Variants in VDR observed in about 807,000 individuals in gnomAD.
The protein encoded by VDR is vitamin D receptor.
A neutral mutation model predicts 39.7 loss-of-function variants in VDR; 19 were observed. The observed-to-expected ratio is 0.48, with a 90% confidence interval of 0.33 to 0.70. The LOEUF is 0.70. Among genes scored for constraint, VDR ranks in the 30% least tolerant of loss-of-function variants. VDR has a pLI of 0.02. For missense variants in VDR, 442 were observed against 570.5 expected, an observed-to-expected ratio of 0.77 and a Z score of 2.29; for synonymous variants, 242 against 215.8, an observed-to-expected ratio of 1.12 and a Z score of -1.07.
intron 7 of VDR, among the ~76,000 whole-genome samples, chr12:47,855,260 G>A (rs1249851356): frequency 1.3e-5 from 2 of 152,068 alleles, no homozygotes; most frequent in East Asian, 1.9e-4. Context: ...CCCGGGAGGC[G>A]GAGGTTATAG....
intron 1 of VDR, among the ~76,000 whole-genome samples, chr12:47,888,684 C>G (rs1282168570): frequency 6.6e-6 from 1 of 152,180 alleles, no homozygotes; most frequent in African/African-American, 2.4e-5. Context: ...GCAGTTCAAT[C>G]TCTCTGGTTT....
chr12:47,849,292 T>C (rs1036061347), intron 7 of VDR, among the ~76,000 whole-genome samples: 1 of 152,124 alleles, frequency 6.6e-6, no homozygotes, highest in African/African-American at 2.4e-5. Context: ...AGGATCTGTA[T>C]TGAAAAAAAA....
In VDR at chr12:47,846,432, C is replaced by G. The variant is rs1360270534; in HGVS notation, c.927G>C (p.Leu309=). 2.6e-6 allele frequency: 4 copies of G among 1,567,882 alleles called. No homozygotes were observed. Among genetic ancestry groups the G allele is most frequent in the Non-Finnish European group, 3.5e-6 (4 of 1,156,194 alleles). ...CCTGGAACTTGATGAGGGGCTCAATCAGCTCCAGGCTGTGTCCGGCTGTGA... is the reference window on the plus strand; with the variant it reads ...CCTGGAACTTGATGAGGGGCTCAATGAGCTCCAGGCTGTGTCCGGCTGTGA... The part of the protein sequence containing the change: ...DVTKAGHSLE[L]IEPLIKFQVG... Residue 309 remains leucine (L), a synonymous_variant, in exon 9 of 10, where the codon CTG becomes CTC. Transcript: ENST00000549336.
At chr12:47,884,958 T>C (rs780960096) in intron 1 of VDR, among the ~76,000 whole-genome samples, 6 of 152,104 alleles carry the variant, frequency 3.9e-5, no homozygotes, top group African/African-American at 7.2e-5. Context: ...TATCCTAGAT[T>C]CAGCCTCTAA....
chr12:47,851,127 T>C (rs1945380279), intron 7 of VDR, among the ~76,000 whole-genome samples: 1 of 152,026 alleles, frequency 6.6e-6, no homozygotes, highest in Non-Finnish European at 1.5e-5. Flanking sequence ...GGTATGGAAA[T>C]GGCAATGAAG....
At chr12:47,848,521 C>T (rs1358952469) in intron 7 of VDR, among the ~76,000 whole-genome samples, 1 of 149,414 alleles carries the variant, frequency 6.7e-6, no homozygotes, top group Non-Finnish European at 1.5e-5. Context: ...CCCGTCTCCT[C>T]CAGTTCTGCT....
Position 47,857,109 on chromosome 12 carries a change from A to G in VDR, c.583+20T>C, listed in dbSNP as rs368765369. 24 of 1,613,856 alleles carry G rather than the reference A, an allele frequency of 1.5e-5. No homozygotes were observed. The highest frequency in any genetic ancestry group is 1.1e-4 in the East Asian group (5 of 44,880). ...TCGCCCCCGCTCCCTTACTCTATGGAGGACTGAAGTCCTGCTTACCTGAAG... is the reference window on the plus strand; with the variant it reads ...TCGCCCCCGCTCCCTTACTCTATGGGGGACTGAAGTCCTGCTTACCTGAAG... On this transcript the variant is annotated intron_variant, in intron 6 of 9. Transcript: ENST00000549336.
chr12:47,845,668 G>A (rs983837600), intron 9 of VDR, among the ~76,000 whole-genome samples: 1 of 152,164 alleles, frequency 6.6e-6, no homozygotes, highest in African/African-American at 2.4e-5. Context: ...GTTGCTAAGT[G>A]GATGAATGAA....
At chr12:47,855,014 G>A (rs913142869) in intron 7 of VDR, among the ~76,000 whole-genome samples, 15 of 152,094 alleles carry the variant, frequency 9.9e-5, no homozygotes, top group African/African-American at 3.1e-4. Context: ...CCAACATGGC[G>A]AAACTCCGTC....
chr12:47,869,514 G>A (rs540345563), intron 3 of VDR, among the ~76,000 whole-genome samples: 7 of 142,296 alleles, frequency 4.9e-5, no homozygotes, highest in Non-Finnish European at 9.1e-5. Context: ...TCAGCCTGGG[G>A]GACAGAGCGA....
intron 3 of VDR, among the ~76,000 whole-genome samples, chr12:47,871,508 C>T (rs538801625): frequency 5.4e-5 from 8 of 148,644 alleles, no homozygotes; most frequent in East Asian, 2.0e-4. Context: ...CTGTCACCCA[C>T]GCTGGAGTGC....
chr12:47,873,067 C>A (rs1945916049), intron 3 of VDR, among the ~76,000 whole-genome samples: 1 of 152,226 alleles, frequency 6.6e-6, no homozygotes, highest in Non-Finnish European at 1.5e-5. Flanking sequence ...TGTGTCCCCA[C>A]CCAAATCCCA....
At chr12:47,874,546 G>C (rs1945962003) in intron 3 of VDR, among the ~76,000 whole-genome samples, 1 of 152,142 alleles carries the variant, frequency 6.6e-6, no homozygotes, top group African/African-American at 2.4e-5. Context: ...AATTAACAAA[G>C]TCCTCAAGAA....
intron 3 of VDR, among the ~76,000 whole-genome samples, chr12:47,866,259 C>A (rs991531505): frequency 2.6e-5 from 4 of 151,868 alleles, no homozygotes; most frequent in Non-Finnish European, 4.4e-5. Context: ...AGGCGCCCAC[C>A]ACCGCACCCG....
rs11168289 is a variant in VDR, at chr12:47,897,204, T to C, written c.-84+7751A>G. 3.0e-4 allele frequency among the ~76,000 whole-genome samples: 46 copies of C among 152,340 alleles called. No homozygotes were observed. In the East Asian group the frequency reaches 7.1e-3, roughly 24 times the overall value. On this transcript the variant is annotated intron_variant, in intron 1 of 9. Coordinates refer to ENST00000549336, the MANE Select transcript of VDR (RefSeq NM_000376.3). ...GTATAATTTTACCAGCCTCGTAGGA[T>C]TATTGAGAGGCATAAATGAGAAAAT...
intron 4 of VDR, among the ~76,000 whole-genome samples, chr12:47,858,058 C>T (rs369809293): frequency 3.6e-5 from 5 of 137,550 alleles, no homozygotes; most frequent in East Asian, 2.0e-4. Flanking sequence ...CTTTCTTGTA[C>T]CTTCCTCCAT....
At position 47,865,134 on chromosome 12, in the gene VDR, C is replaced by T. The variant is rs1359262907; in HGVS notation, c.190G>A (p.Gly64Arg). 11 of 1,613,652 alleles carry T rather than the reference C, an allele frequency of 6.8e-6. No homozygotes were observed. The highest frequency in any genetic ancestry group is 1.6e-4 in the Middle Eastern group (1 of 6,082). Reference protein sequence around the residue: ...RKALFTCPFNGDCRITKDNRR... With the variant: ...RKALFTCPFNRDCRITKDNRR... ...TTGTCCTTGGTGATGCGGCAGTCCC[C>T]GTTGAAGGGGCAGGTGAATAGTGCC... The change falls in exon 4 of 10, where the codon GGG becomes AGG. Residue 64 changes from glycine to arginine, a missense_variant. Gly to Arg is a moderately radical substitution (Grantham distance 125). This residue lies in a region of VDR where 141 missense variants were observed against 141.3 expected (regional missense o/e 1.00). Transcript: ENST00000549336.
chr12:47,878,845 C>T (rs561815797), intron 3 of VDR, 123 bp downstream of exon 3: 184 of 1,492,138 alleles, frequency 1.2e-4, no homozygotes, highest in African/African-American at 4.3e-4. Context: ...TGGCTGTGAG[C>T]GCCGCATGTT....
At chr12:47,871,180 C>A (rs970774685) in intron 3 of VDR, among the ~76,000 whole-genome samples, 1 of 152,106 alleles carries the variant, frequency 6.6e-6, no homozygotes, top group Non-Finnish European at 1.5e-5. Context: ...GTGGGTAGAT[C>A]GGTCCATGGG....
Sources: gnomAD v4.1 joint callset for allele counts (sites outside exome capture counted in the v4.1 genomes callset) on GRCh38, gnomAD v4.1.1 for gene constraint, gnomAD v4.1.1 regional missense constraint, MANE v1.5 for transcripts, NCBI Gene and HGNC (gene_info 2026-07-23, HGNC 2026-07-21) for gene names.